AP1M1: variants seen among roughly 807,000 people sequenced by gnomAD.
The protein encoded by AP1M1 is AP-1 complex subunit mu-1.
A neutral mutation model predicts 57.1 loss-of-function variants in AP1M1; 18 were observed. The ratio of observed to expected loss-of-function variants is 0.32; its 90% CI spans 0.22 to 0.47. AP1M1 has a LOEUF of 0.47. Ranked by LOEUF, AP1M1 falls within the 20% of genes least tolerant of loss-of-function variation. The pLI is 1.00. For missense variants in AP1M1, 362 were observed against 593.5 expected, an observed-to-expected ratio of 0.61 and a Z score of 4.05; for synonymous variants, 241 against 237.9, an observed-to-expected ratio of 1.01 and a Z score of -0.12.
At position 16,202,602 on chromosome 19, in the gene AP1M1, C is replaced by T. The variant is rs189049730; in HGVS notation, c.43-857C>T. Reference sequence around the variant, plus strand: ...CGTGCAGTCATGCAGGATGAGCTCTCGTTTGTCTGGTTTCTCTCAGCCAGC... The same window carrying T: ...CGTGCAGTCATGCAGGATGAGCTCTTGTTTGTCTGGTTTCTCTCAGCCAGC... On this transcript the variant is annotated intron_variant, in intron 1 of 11. Transcript: ENST00000291439. Among the ~76,000 whole-genome samples the T allele has an allele frequency of 1.1e-4, 17 of 152,288 alleles. No homozygotes were observed. In the East Asian group the frequency reaches 2.9e-3, roughly 26 times the overall value.
At chr19:16,212,743 A>G (rs1217793197) in intron 5 of AP1M1, among the ~76,000 whole-genome samples, 4 of 152,126 alleles carry the variant, frequency 2.6e-5, no homozygotes, top group Non-Finnish European at 1.5e-5. Context: ...TAGTGCTGTA[A>G]ATTTCTCTTA....
At chr19:16,208,915 AGTCG>A (rs1312808214) in intron 4 of AP1M1, 111 bp from the exon 5 acceptor site, 1 of 1,285,494 alleles carries the variant, frequency 7.8e-7, no homozygotes, top group African/African-American at 1.5e-5. Context: ...GCTATTTTCA[AGTCG>A]GTCAGAACCT....
intron 2 of AP1M1, among the ~76,000 whole-genome samples, chr19:16,204,833 CTTTT>C (rs11307046): frequency 1.5e-5 from 2 of 133,352 alleles, no homozygotes; most frequent in Non-Finnish European, 3.3e-5. Context: ...TCTTAGGTGG[CTTTT>C]TTTTTTTTTT....
rs1026133895 is a variant in AP1M1, at chr19:16,234,633, G to A, written c.*198G>A. 42 of 639,678 alleles carry A rather than the reference G, an allele frequency of 6.6e-5. 1 individual carries two copies. The Middle Eastern group carries it at 1.2e-3, about 18-fold the overall frequency. 39.6% of individuals were successfully genotyped at this position (639,678 alleles called of 1,614,324 possible). ...CTCAGAAGCCCCTTTCCCAGAAGAG[G>A]CTGGTCTTCAAGAAGTCTCGTTTCT... is the stretch of plus-strand genomic sequence containing the variant. On this transcript the variant is annotated 3_prime_UTR_variant, in exon 12 of 12. Coordinates refer to ENST00000291439, the MANE Select transcript of AP1M1 (RefSeq NM_032493.4).
chr19:16,234,709 A>G lies in AP1M1; in HGVS notation c.*274A>G. 1.7e-6 allele frequency: 1 copy of G among 572,314 alleles called. No individual in the cohort carries two copies. The highest frequency in any genetic ancestry group is 3.1e-6 in the Non-Finnish European group (1 of 319,700). 35.5% of individuals were successfully genotyped at this position (572,314 alleles called of 1,614,324 possible). A position where few individuals can be genotyped will look rare whatever the true frequency, so the allele number is the denominator to read the frequency against. ...AAGGATGTGAAATTTTTCCGTGTAGAGGTTACAGCCTTTTATGCTGTTGAG... is the reference window on the plus strand; with the variant it reads ...AAGGATGTGAAATTTTTCCGTGTAGGGGTTACAGCCTTTTATGCTGTTGAG... On this transcript the variant is annotated 3_prime_UTR_variant, in exon 12 of 12. Transcript: ENST00000291439.
chr19:16,223,875 C>T (rs2091557057), intron 5 of AP1M1, among the ~76,000 whole-genome samples: 1 of 152,220 alleles, frequency 6.6e-6, no homozygotes, highest in Non-Finnish European at 1.5e-5. Context: ...CCTCACCAGC[C>T]GCTTGCTTTC....
chr19:16,197,979 T>TGCCGCCGCCACCGCCCTCGGCCGCC lies in AP1M1; in HGVS notation c.-24_-23insCGCCGCCGCCACCGCCCTCGGCCGC. ...AACGCCCAGCAGTCCCCACCGTCGC[T>TGCCGCCGCCACCGCCCTCGGCCGCC]GCCGCCGCCACCGCCCTCGGCCGCT... On this transcript the variant is annotated 5_prime_UTR_variant, in exon 1 of 12. Transcript: ENST00000291439. 6.5e-7 allele frequency: 1 copy of TGCCGCCGCCACCGCCCTCGGCCGCC among 1,528,184 alleles called. No individual in the cohort carries two copies. The highest frequency in any genetic ancestry group is 2.6e-5 in the East Asian group (1 of 37,764). 94.7% of individuals were successfully genotyped at this position (1,528,184 alleles called of 1,614,324 possible). A position where few individuals can be genotyped will look rare whatever the true frequency, so the allele number is the denominator to read the frequency against.
At chr19:16,223,598 T>C (rs2091555714) in intron 5 of AP1M1, among the ~76,000 whole-genome samples, 1 of 152,252 alleles carries the variant, frequency 6.6e-6, no homozygotes, top group Admixed American at 6.5e-5. Context: ...GGGGGGCTTC[T>C]GTGTTTTCCA....
At chr19:16,232,031 C>G (rs892769272) in intron 9 of AP1M1, among the ~76,000 whole-genome samples, 1 of 152,258 alleles carries the variant, frequency 6.6e-6, no homozygotes, top group African/African-American at 2.4e-5. Context: ...CTGGCTCTCT[C>G]TGCATCTCCT....
chr19:16,221,798 T>C (rs2091545462), intron 5 of AP1M1, among the ~76,000 whole-genome samples: 1 of 152,262 alleles, frequency 6.6e-6, no homozygotes, highest in Non-Finnish European at 1.5e-5. Flanking sequence ...GCAATTCTCC[T>C]GTCTCAGCCT....
intron 9 of AP1M1, among the ~76,000 whole-genome samples, chr19:16,231,349 T>C (rs1181499862): frequency 2.0e-5 from 3 of 147,786 alleles, no homozygotes; most frequent in Non-Finnish European, 3.0e-5. Context: ...GATAGATAGA[T>C]AGATATCCTT....
At chr19:16,232,678 C>T (rs1228274913) in intron 9 of AP1M1, among the ~76,000 whole-genome samples, 1 of 152,212 alleles carries the variant, frequency 6.6e-6, no homozygotes, top group Non-Finnish European at 1.5e-5. Context: ...CCCAGGTGCA[C>T]GGGGACCGCC....
chr19:16,225,720 G>A (rs1303840464), intron 5 of AP1M1, among the ~76,000 whole-genome samples: 8 of 152,214 alleles, frequency 5.3e-5, no homozygotes, highest in Admixed American at 5.2e-4. Context: ...GTTAGCCACT[G>A]TGACTGGATT....
In AP1M1 at chr19:16,234,557, C is replaced by A; in HGVS notation, c.*122C>A. 1 of 1,283,808 alleles carries A rather than the reference C, an allele frequency of 7.8e-7. No homozygotes were observed. 79.5% of individuals were successfully genotyped at this position (1,283,808 alleles called of 1,614,324 possible). On this transcript the variant is annotated 3_prime_UTR_variant, in exon 12 of 12. Transcript: ENST00000291439. ...TCTCTGGCCACCCTCCCAGCCTCTG[C>A]CCAGGGACCCCTGCCTTCCCCAGGC... is the stretch of plus-strand genomic sequence containing the variant.
At chr19:16,233,731 C>A in intron 10 of AP1M1, 113 bp downstream of exon 10, 1 of 1,376,206 alleles carries the variant, frequency 7.3e-7, no homozygotes, top group South Asian at 1.4e-5. Flanking sequence ...CAGGACCCTG[C>A]TGTGCTGTGG....
intron 9 of AP1M1, among the ~76,000 whole-genome samples, chr19:16,232,871 G>C (rs141729554): frequency 6.6e-6 from 1 of 152,178 alleles, no homozygotes; most frequent in African/African-American, 2.4e-5. Flanking sequence ...CCTCAAGGCA[G>C]AGAGAGGGTG....
At chr19:16,229,469 A>G (rs3752791) in intron 9 of AP1M1, among the ~76,000 whole-genome samples, 99,859 of 152,084 alleles carry the variant, frequency 0.66, 35,206 homozygotes, top group Non-Finnish European at 0.8. Context: ...CCGGGTGTAC[A>G]CAGTGCACAG....
rs888733348 is a variant in AP1M1 at position 16,201,724 on chromosome 19, T to C, written c.43-1735T>C. Among the ~76,000 whole-genome samples the C allele has an allele frequency of 2.0e-5, 3 of 152,096 alleles. No individual in the cohort carries two copies. The South Asian group carries it at 6.2e-4, about 32-fold the overall frequency. ...GGAGGACTTCCTAGAGGAGGTGTTA[T>C]TTGAGCTGAGGCTTGAGAAATGAGA... On this transcript the variant is annotated intron_variant, in intron 1 of 11. Transcript: ENST00000291439.
At chr19:16,229,872 C>T (rs2091588603) in intron 9 of AP1M1, among the ~76,000 whole-genome samples, 1 of 152,198 alleles carries the variant, frequency 6.6e-6, no homozygotes, top group Non-Finnish European at 1.5e-5. Flanking sequence ...TTCCACGTGG[C>T]GCTGCGGCAG....
Sources: allele counts gnomAD v4.1 joint callset (sites outside exome capture counted in the v4.1 genomes callset), GRCh38; gene constraint gnomAD v4.1.1; transcripts MANE v1.5; gene names NCBI Gene and HGNC (gene_info 2026-07-23, HGNC 2026-07-21).